The following SLC8A1 variants were observed in gnomAD, a reference collection of about 807,000 sequenced individuals.
SLC8A1 encodes the protein solute carrier family 8 member A1, also known as sodium/calcium exchanger 1.
SLC8A1 carries 18 observed loss-of-function variants against 68.3 expected under a neutral mutation model. The observed-to-expected ratio is 0.26, with a 90% confidence interval of 0.18 to 0.39. The LOEUF (loss-of-function observed/expected upper bound fraction) is 0.39, where lower values mean the gene tolerates loss of function less well. Ranked by LOEUF, SLC8A1 falls within the 10% of genes least tolerant of loss-of-function variation. The pLI is 1.00. For synonymous variants in SLC8A1, 475 were observed against 415.5 expected, an observed-to-expected ratio of 1.14 and a Z score of -1.74; for missense variants, 985 against 1,156.7, an observed-to-expected ratio of 0.85 and a Z score of 2.15.
chr2:40,478,068 G>T lies in SLC8A1; in HGVS notation c.-25+34281C>A, dbSNP rs567743574. ...GAAAGTCAGTAATACAGTTTCTGAAGAGCTGTTTTACTTTCTTTTTTTCTT... is the reference window on the plus strand; with the variant it reads ...GAAAGTCAGTAATACAGTTTCTGAATAGCTGTTTTACTTTCTTTTTTTCTT... On this transcript the variant is annotated intron_variant, in intron 1 of 7. Coordinates refer to the SLC8A1 transcript ENST00000402441. Among the ~76,000 whole-genome samples the T allele has an allele frequency of 4.6e-5, 7 of 152,244 alleles. No homozygotes were observed. In the South Asian group the frequency reaches 1.5e-3, roughly 32 times the overall value.
chr2:40,148,300 A>C (rs1201660335), intron 6 of SLC8A1, among the ~76,000 whole-genome samples: 1 of 152,210 alleles, frequency 6.6e-6, no homozygotes, highest in African/African-American at 2.4e-5. Flanking sequence ...CTCATTGGGA[A>C]GTGGGATTCT....
intron 2 of SLC8A1, among the ~76,000 whole-genome samples, chr2:40,312,562 G>A (rs1465080333): frequency 1.3e-5 from 2 of 151,944 alleles, no homozygotes; most frequent in Non-Finnish European, 2.9e-5. Flanking sequence ...AAAATATACA[G>A]GTATAAATAT....
At chr2:40,364,301 C>A (rs1374068944) in intron 2 of SLC8A1, among the ~76,000 whole-genome samples, 4 of 151,898 alleles carry the variant, frequency 2.6e-5, no homozygotes, top group Admixed American at 2.0e-4. Context: ...CTTAAGCCAT[C>A]AAGTTTCAAA....
chr2:40,386,632 AT>A (rs1249605139), intron 2 of SLC8A1, among the ~76,000 whole-genome samples: 1 of 148,990 alleles, frequency 6.7e-6, no homozygotes, highest in Admixed American at 6.7e-5. Context: ...AAAAAAAAAA[AT>A]AAAGGGAAAA....
At chr2:40,349,493 T>A (rs1247655476) in intron 2 of SLC8A1, among the ~76,000 whole-genome samples, 2 of 152,218 alleles carry the variant, frequency 1.3e-5, no homozygotes, top group Non-Finnish European at 2.9e-5. Context: ...ATCCTGCTCC[T>A]TCCTCATAGC....
chr2:40,236,721 T>G (rs1558888084), intron 2 of SLC8A1, among the ~76,000 whole-genome samples: 1 of 152,202 alleles, frequency 6.6e-6, no homozygotes, highest in South Asian at 2.1e-4. Context: ...TTTGGCATGA[T>G]TTTGCAGCCG....
At chr2:40,328,162 G>A (rs542807327) in intron 2 of SLC8A1, among the ~76,000 whole-genome samples, 3 of 152,100 alleles carry the variant, frequency 2.0e-5, no homozygotes, top group Admixed American at 1.3e-4. Context: ...TATTCAGGTC[G>A]ATAAATAGAG....
chr2:40,343,124 G>C (rs1668229305), intron 2 of SLC8A1, among the ~76,000 whole-genome samples: 1 of 151,962 alleles, frequency 6.6e-6, no homozygotes. Context: ...AAAGATATAT[G>C]ATTCAATGTA....
intron 2 of SLC8A1, among the ~76,000 whole-genome samples, chr2:40,407,972 G>C (rs979224208): frequency 2.0e-5 from 3 of 152,190 alleles, no homozygotes; most frequent in Non-Finnish European, 4.4e-5. Flanking sequence ...CACAAATGCA[G>C]GGACACACAT....
chr2:40,234,197 C>T (rs936938476), intron 2 of SLC8A1, among the ~76,000 whole-genome samples: 2 of 152,028 alleles, frequency 1.3e-5, no homozygotes, highest in African/African-American at 2.4e-5. Context: ...GGCAGTATGG[C>T]CATTTTCATG....
At chr2:40,455,099 A>G (rs1226664188), upstream of SLC8A1, among the ~76,000 whole-genome samples, 1 of 152,224 alleles carries the variant, frequency 6.6e-6, no homozygotes, top group Admixed American at 6.5e-5. Context: ...CCACAGGGAT[A>G]TCACTAAGAT....
At chr2:40,220,129 G>A (rs1257066554) in intron 2 of SLC8A1, 1 of 143,916 alleles carries the variant, frequency 6.9e-6, no homozygotes, top group Non-Finnish European at 1.5e-5. Flanking sequence ...GAGAATAATT[G>A]TTGCTGAAAC....
intron 2 of SLC8A1, among the ~76,000 whole-genome samples, chr2:40,379,207 C>G (rs1304447570): frequency 2.0e-5 from 3 of 152,264 alleles, no homozygotes; most frequent in Non-Finnish European, 2.9e-5. Flanking sequence ...TTGAGAATTT[C>G]TGATTCCGTT....
chr2:40,193,357 A>T (rs373857), intron 2 of SLC8A1, among the ~76,000 whole-genome samples: 1 of 151,866 alleles, frequency 6.6e-6, no homozygotes, highest in Non-Finnish European at 1.5e-5. Context: ...CACATTAGGC[A>T]TTGGGGATAA....
intron 2 of SLC8A1, among the ~76,000 whole-genome samples, chr2:40,348,639 G>C (rs948229375): frequency 6.6e-6 from 1 of 152,184 alleles, no homozygotes; most frequent in African/African-American, 2.4e-5. Context: ...TCAGAAGTAC[G>C]GGGATGGGTC....
chr2:40,356,723 G>A (rs1391215891), intron 2 of SLC8A1, among the ~76,000 whole-genome samples: 1 of 152,172 alleles, frequency 6.6e-6, no homozygotes. Flanking sequence ...ACAGCTAAGG[G>A]AGACAAGCAC....
intron 2 of SLC8A1, chr2:40,337,287 T>C (rs191745627): frequency 3.1e-6 from 1 of 327,354 alleles, no homozygotes; most frequent in Non-Finnish European, 6.9e-6. Flanking sequence ...GTATAAAATT[T>C]TAGTATGTTT....
At chr2:40,211,324 TTTTA>T (rs2056547739) in intron 2 of SLC8A1, among the ~76,000 whole-genome samples, 1 of 152,250 alleles carries the variant, frequency 6.6e-6, no homozygotes, top group Non-Finnish European at 1.5e-5. Context: ...GTTTTTGACA[TTTTA>T]TTTGTCTTTT....
chr2:40,315,513 C>T (rs992125386), intron 2 of SLC8A1, among the ~76,000 whole-genome samples: 16 of 150,322 alleles, frequency 1.1e-4, no homozygotes, highest in African/African-American at 3.7e-4. Flanking sequence ...TTGCTACATC[C>T]AACTGGGTTA....
Sources: gnomAD v4.1 joint callset for allele counts (sites outside exome capture counted in the v4.1 genomes callset) on GRCh38, gnomAD v4.1.1 for gene constraint, MANE v1.5 for transcripts, NCBI Gene and HGNC (gene_info 2026-07-23, HGNC 2026-07-21) for gene names.